The following ADGRL3 variants were observed in gnomAD, a reference collection of about 807,000 sequenced individuals.
The protein encoded by ADGRL3 is adhesion G protein-coupled receptor L3, also known as calcium-independent alpha-latrotoxin receptor 3.
A neutral mutation model predicts 153.5 loss-of-function variants in ADGRL3; 62 were observed. That is an observed-to-expected ratio of 0.40 (90% CI 0.33 to 0.50). The LOEUF is 0.50. Among genes scored for constraint, ADGRL3 ranks in the 20% least tolerant of loss-of-function variants. ADGRL3 has a pLI of 0.47. For missense variants in ADGRL3, 1,641 were observed against 1,859.4 expected (o/e 0.88, Z 2.16); for synonymous variants, 710 against 672.5 (o/e 1.06, Z -0.86).
intron 1 of ADGRL3, among the ~76,000 whole-genome samples, chr4:61,288,386 G>A (rs910418604): frequency 2.0e-5 from 3 of 151,828 alleles, no homozygotes; most frequent in Admixed American, 2.0e-4. Flanking sequence ...ATCAAGGACC[G>A]ACTCTCTTTT....
intron 5 of ADGRL3, among the ~76,000 whole-genome samples, chr4:61,653,071 A>G (rs1580107542): frequency 6.6e-6 from 1 of 151,986 alleles, no homozygotes; most frequent in Non-Finnish European, 1.5e-5. Context: ...AAATGAGGTC[A>G]TAAGGGCAGG....
chr4:61,432,586 CTT>C (rs375051807), intron 2 of ADGRL3, among the ~76,000 whole-genome samples: 275 of 10,112 alleles, frequency 0.027, 43 homozygotes, highest in South Asian at 0.22. Context: ...TTCTTTCTTT[CTT>C]TCTTTCTTTC....
At chr4:62,006,415 A>C (rs1432458095) in intron 21 of ADGRL3, among the ~76,000 whole-genome samples, 1 of 151,902 alleles carries the variant, frequency 6.6e-6, no homozygotes, top group South Asian at 2.1e-4. Context: ...TTATTACTGA[A>C]ATGCAGAAAA....
chr4:61,324,518 A>T (rs1011707354), intron 1 of ADGRL3, among the ~76,000 whole-genome samples: 38 of 152,214 alleles, frequency 2.5e-4, no homozygotes, highest in African/African-American at 8.9e-4. Context: ...TAGCCCTATG[A>T]TTAAATGTAA....
chr4:61,471,600 A>C lies in ADGRL3; in HGVS notation c.-173-25521A>C, dbSNP rs143200594. On this transcript the variant is annotated intron_variant, in intron 2 of 26. Coordinates refer to ENST00000683033, the MANE Select transcript of ADGRL3 (RefSeq NM_001387552.1). ...TGATCTTTTAAGTGTCTTCTGAGGC[A>C]AATTCATTTTAAAAAAGGGACTACA... Among the ~76,000 whole-genome samples the C allele has an allele frequency of 3.6e-4, 55 of 152,020 alleles. 1 individual carries two copies. Among genetic ancestry groups the C allele is most frequent in the African/African-American group, 1.2e-3 (51 of 41,538 alleles).
intron 1 of ADGRL3, among the ~76,000 whole-genome samples, chr4:61,208,764 A>G (rs183987121): frequency 3.3e-5 from 5 of 152,298 alleles, no homozygotes; most frequent in Admixed American, 2.0e-4. Context: ...GAATATTTAT[A>G]TATCTTGGGA....
At chr4:61,278,860 A>G (rs1195769126) in intron 1 of ADGRL3, among the ~76,000 whole-genome samples, 1 of 152,160 alleles carries the variant, frequency 6.6e-6, no homozygotes, top group Non-Finnish European at 1.5e-5. Flanking sequence ...AATGGTTTTG[A>G]GCACATATAC....
chr4:61,732,864 A>G lies in ADGRL3; in HGVS notation c.709A>G (p.Ile237Val). 1.2e-6 allele frequency: 2 copies of G among 1,613,602 alleles called. No individual in the cohort carries two copies. Among genetic ancestry groups the G allele is most frequent in the East Asian group, 2.2e-5 (1 of 44,866 alleles). ...CKDPLQASDKIYYMPWTPYRT... is the reference protein window; with the variant it reads ...CKDPLQASDKVYYMPWTPYRT... ...AGACCCTCTGCAGGCATCTGACAAG[A>G]TTTATTATATGCCCTGGACTCCCTA... Residue 237 changes from isoleucine (I) to valine (V), a missense_variant, in exon 8 of 27, where the codon ATT (isoleucine) becomes GTT (valine). By Grantham distance (29) the Ile-to-Val change is conservative. Around this residue, in one of 5 missense-constraint regions of ADGRL3, gnomAD observed 213 missense variants for 362.1 expected, o/e 0.59. Coordinates refer to ENST00000683033, the MANE Select transcript of ADGRL3 (RefSeq NM_001387552.1).
At chr4:61,593,286 A>G (rs970651413) in intron 5 of ADGRL3, among the ~76,000 whole-genome samples, 1 of 152,172 alleles carries the variant, frequency 6.6e-6, no homozygotes, top group Non-Finnish European at 1.5e-5. Context: ...AGAAGCTTAT[A>G]CATCATAATT....
In ADGRL3 at chr4:61,407,698, C is replaced by T. The variant is rs144676995; in HGVS notation, c.-174+24509C>T. Among the ~76,000 whole-genome samples the T allele has an allele frequency of 4.6e-3, 700 of 152,218 alleles. 6 individuals are homozygous for T. The highest frequency in any genetic ancestry group is 0.016 in the African/African-American group (666 of 41,538). ...CAATAGAGATTCAAATCCCAAGAGA[C>T]GAGGGAGACTGCATTAGCTCATATG... On this transcript the variant is annotated intron_variant, in intron 2 of 26. Transcript: ENST00000683033.
intron 8 of ADGRL3, among the ~76,000 whole-genome samples, chr4:61,749,046 A>G (rs182344215): frequency 0.078 from 11,640 of 149,670 alleles, 984 homozygotes; most frequent in African/African-American, 0.21. Flanking sequence ...AAAAGTGGGC[A>G]AAGGACATGA....
chr4:61,219,674 A>G (rs1744472127), intron 1 of ADGRL3, among the ~76,000 whole-genome samples: 1 of 152,164 alleles, frequency 6.6e-6, no homozygotes, highest in Non-Finnish European at 1.5e-5. Flanking sequence ...TATGCTTTTC[A>G]TTAATAATGT....
intron 6 of ADGRL3, among the ~76,000 whole-genome samples, chr4:61,715,774 A>C (rs1190092598): frequency 6.6e-6 from 1 of 152,036 alleles, no homozygotes; most frequent in African/African-American, 2.4e-5. Context: ...AAGTTGTCAC[A>C]TAGAACTTGG....
At chr4:61,860,638 C>G (rs1198573253) in intron 9 of ADGRL3, among the ~76,000 whole-genome samples, 2 of 152,086 alleles carry the variant, frequency 1.3e-5, no homozygotes, top group Non-Finnish European at 2.9e-5. Context: ...TGCGGTCCTT[C>G]CCCAGAGTGT....
rs115403884 is a variant in ADGRL3 at position 61,817,715 on chromosome 4, G to A, written c.1480+3826G>A. Among the ~76,000 whole-genome samples the A allele has an allele frequency of 4.5e-3, 685 of 152,290 alleles. 2 individuals are homozygous for A. Among genetic ancestry groups the A allele is most frequent in the Non-Finnish European group, 6.6e-3 (450 of 68,016 alleles). On this transcript the variant is annotated intron_variant, in intron 9 of 26. Transcript: ENST00000683033. ...TGGACTCACACTTCCACATGGCTGCGGAGGGCTCACAATCATGGTAGAAGG... is the reference window on the plus strand; with the variant it reads ...TGGACTCACACTTCCACATGGCTGCAGAGGGCTCACAATCATGGTAGAAGG...
At chr4:61,597,973 C>T (rs2098996055) in intron 5 of ADGRL3, among the ~76,000 whole-genome samples, 1 of 151,976 alleles carries the variant, frequency 6.6e-6, no homozygotes, top group Non-Finnish European at 1.5e-5. Flanking sequence ...AAACATACTG[C>T]TCTCTCACAA....
intron 13 of ADGRL3, among the ~76,000 whole-genome samples, chr4:61,921,480 G>A (rs563628357): frequency 1.8e-4 from 28 of 152,232 alleles, no homozygotes; most frequent in East Asian, 5.8e-4. Context: ...GTACAGTGGC[G>A]TGATCTCGGC....
chr4:61,226,807 A>C (rs1748185671), intron 1 of ADGRL3, among the ~76,000 whole-genome samples: 1 of 151,528 alleles, frequency 6.6e-6, no homozygotes, highest in Admixed American at 6.6e-5. Context: ...AAAAAAACTA[A>C]GGAAAATGGA....
chr4:61,347,255 A>G (rs1028124928), intron 1 of ADGRL3, among the ~76,000 whole-genome samples: 13 of 151,858 alleles, frequency 8.6e-5, no homozygotes, highest in African/African-American at 3.2e-4. Context: ...ATTTTTAAAA[A>G]GAGGCATAGT....
Sources: gnomAD v4.1 joint callset for allele counts (sites outside exome capture counted in the v4.1 genomes callset) on GRCh38, gnomAD v4.1.1 for gene constraint, gnomAD v4.1.1 regional missense constraint, MANE v1.5 for transcripts, NCBI Gene and HGNC (gene_info 2026-07-23, HGNC 2026-07-21) for gene names.